AGBL1: variants seen among roughly 807,000 people sequenced by gnomAD.
AGBL1 encodes cytosolic carboxypeptidase 4.
A neutral mutation model predicts 118.9 loss-of-function variants in AGBL1; 130 were observed. The observed-to-expected ratio is 1.09, with a 90% CI of 0.95 to 1.26. AGBL1 has a LOEUF of 1.26. AGBL1 is among the 50% of genes most tolerant of loss of function. The probability of loss-of-function intolerance (pLI) is 0.00; values close to 1 mark genes in which losing one functional copy is unlikely to be tolerated. For synonymous variants in AGBL1, 555 were observed against 478.9 expected (o/e 1.16, Z -2.08); for missense variants, 1,584 against 1,298.1 (o/e 1.22, Z -3.38).
intron 21 of AGBL1, among the ~76,000 whole-genome samples, chr15:86,660,223 T>C (rs1459951223): frequency 6.6e-6 from 1 of 151,978 alleles, no homozygotes; most frequent in Non-Finnish European, 1.5e-5. Flanking sequence ...TGAAAAGATC[T>C]ACAGGGGCCG....
At chr15:86,440,484 G>GAATAATAATAATAATAATAAT (rs60498816) in intron 18 of AGBL1, among the ~76,000 whole-genome samples, 43 of 144,506 alleles carry the variant, frequency 3.0e-4, no homozygotes, top group East Asian at 8.2e-4. Flanking sequence ...ATGGGATGGA[G>GAATAATAATAATAATAATAAT]AATAATAATA....
At chr15:86,377,410 T>C (rs922873014) in intron 17 of AGBL1, among the ~76,000 whole-genome samples, 8 of 152,136 alleles carry the variant, frequency 5.3e-5, no homozygotes, top group Admixed American at 5.2e-4. Context: ...CTGTTGAAGA[T>C]ATGGTAGTTC....
chr15:86,745,038 A>G (rs1280252153), intron 22 of AGBL1, among the ~76,000 whole-genome samples: 1 of 152,106 alleles, frequency 6.6e-6, no homozygotes, highest in Non-Finnish European at 1.5e-5. Flanking sequence ...GGGGAAGACA[A>G]GGTAATAGAG....
At chr15:86,475,869 G>A (rs561718459) in intron 18 of AGBL1, among the ~76,000 whole-genome samples, 28 of 152,312 alleles carry the variant, frequency 1.8e-4, no homozygotes, top group African/African-American at 4.1e-4. Context: ...GACTAACAGC[G>A]GATCTCTCAG....
chr15:86,781,833 A>C (rs1331953203), intron 22 of AGBL1, among the ~76,000 whole-genome samples: 2 of 152,092 alleles, frequency 1.3e-5, no homozygotes, highest in Non-Finnish European at 1.5e-5. Context: ...AAAGTTGACT[A>C]TGATGACACT....
rs537774453 is a variant in AGBL1 at position 86,988,206 on chromosome 15, C to A, written c.3323+118C>A. 2.1e-4 allele frequency: 265 copies of A among 1,264,064 alleles called. No homozygotes were observed. In the African/African-American group the frequency reaches 3.7e-3, roughly 17 times the overall value. 78.3% of individuals were successfully genotyped at this position (1,264,064 alleles called of 1,614,324 possible). ...AGAAAGTAAATGGGTGGGCCAACAA[C>A]AAAAAAACAACATACCCTTCAGCTT... On this transcript the variant is annotated intron_variant, in intron 24 of 24. Transcript: ENST00000441037.
At chr15:86,330,989 G>C (rs1217027843) in intron 17 of AGBL1, among the ~76,000 whole-genome samples, 1 of 152,092 alleles carries the variant, frequency 6.6e-6, no homozygotes, top group Non-Finnish European at 1.5e-5. Context: ...ACTTTGGGAG[G>C]CCAAGGCAGG....
intron 1 of AGBL1, among the ~76,000 whole-genome samples, chr15:86,107,261 C>A (rs764091974): frequency 1.3e-5 from 2 of 152,166 alleles, no homozygotes; most frequent in African/African-American, 2.4e-5. Context: ...GTTCTTATTT[C>A]TTCTGCAGCA....
intron 24 of AGBL1, among the ~76,000 whole-genome samples, chr15:86,994,856 T>C (rs937989329): frequency 2.0e-5 from 3 of 152,346 alleles, no homozygotes; most frequent in African/African-American, 4.8e-5. Context: ...CTCAACCTTA[T>C]AATGGTCGAA....
chr15:86,097,727 T>C (rs1413074695), intron 1 of AGBL1, among the ~76,000 whole-genome samples: 1 of 152,150 alleles, frequency 6.6e-6, no homozygotes. Context: ...ATCCATTCAT[T>C]CCCTGATGGA....
intron 18 of AGBL1, among the ~76,000 whole-genome samples, chr15:86,436,442 A>G (rs2881369): frequency 0.6 from 91,799 of 152,018 alleles, 29,778 homozygotes; most frequent in African/African-American, 0.83. Flanking sequence ...GTGTATGGGA[A>G]CAAGGTTCTT....
intron 21 of AGBL1, among the ~76,000 whole-genome samples, chr15:86,622,382 A>G (rs567002716): frequency 6.6e-6 from 1 of 151,576 alleles, no homozygotes. Flanking sequence ...AGACAGGCCT[A>G]TTTTTTTCAG....
intron 23 of AGBL1, among the ~76,000 whole-genome samples, chr15:86,936,260 G>C (rs542324814): frequency 6.6e-6 from 1 of 151,794 alleles, no homozygotes; most frequent in Admixed American, 6.6e-5. Flanking sequence ...GTGTGTGTGT[G>C]TGTGTGTGAC....
intron 22 of AGBL1, among the ~76,000 whole-genome samples, chr15:86,700,851 C>G (rs2086345724): frequency 6.6e-6 from 1 of 152,050 alleles, no homozygotes; most frequent in East Asian, 1.9e-4. Context: ...TAAATCGATT[C>G]ATCCAAGTGA....
At chr15:86,249,095 A>G (rs2141995804) in intron 7 of AGBL1, among the ~76,000 whole-genome samples, 1 of 152,296 alleles carries the variant, frequency 6.6e-6, no homozygotes, top group Non-Finnish European at 1.5e-5. Context: ...GATTAGGGCT[A>G]ATTGAAATCC....
At chr15:86,724,141 C>G (rs1406971642) in intron 22 of AGBL1, among the ~76,000 whole-genome samples, 2 of 144,618 alleles carry the variant, frequency 1.4e-5, no homozygotes, top group South Asian at 4.4e-4. Flanking sequence ...GAGGCTGAGG[C>G]AGGAGAATGG....
At chr15:86,883,566 A>G (rs1372317352) in intron 22 of AGBL1, among the ~76,000 whole-genome samples, 2 of 152,146 alleles carry the variant, frequency 1.3e-5, no homozygotes, top group African/African-American at 2.4e-5. Flanking sequence ...CCTAGGGTGC[A>G]TTGCCTGTTC....
At chr15:86,794,679 A>G (rs1474799518) in intron 22 of AGBL1, among the ~76,000 whole-genome samples, 3 of 152,076 alleles carry the variant, frequency 2.0e-5, no homozygotes, top group African/African-American at 7.2e-5. Context: ...CTGCTTCTAT[A>G]TCAGTGTACT....
chr15:86,347,161 T>G (rs1441590322), intron 17 of AGBL1, among the ~76,000 whole-genome samples: 2 of 152,216 alleles, frequency 1.3e-5, no homozygotes, highest in Non-Finnish European at 2.9e-5. Context: ...AAGTAAGATT[T>G]TGTAACTCTT....
Sources: gnomAD v4.1 joint callset for allele counts (sites outside exome capture counted in the v4.1 genomes callset) on GRCh38, gnomAD v4.1.1 for gene constraint, MANE v1.5 for transcripts, NCBI Gene and HGNC (gene_info 2026-07-23, HGNC 2026-07-21) for gene names.